TRPM1: variants seen among roughly 807,000 people sequenced by gnomAD.
The protein encoded by TRPM1 is transient receptor potential cation channel subfamily M member 1, also known as TRPM1-203 APA Isoform, Intron 10.
A neutral mutation model predicts 149.4 loss-of-function variants in TRPM1; 113 were observed. The observed-to-expected ratio is 0.76, with a 90% CI of 0.65 to 0.88. TRPM1 has a LOEUF of 0.88. Ranked by LOEUF, TRPM1 falls within the 40% of genes least tolerant of loss-of-function variation. The pLI is 0.00. For missense variants in TRPM1, 1,976 were observed against 2,038.7 expected (o/e 0.97, Z 0.59); for synonymous variants, 741 against 759.5 (o/e 0.98, Z 0.40).
At chr15:31,074,430 T>C (rs1399644381) in intron 3 of TRPM1, among the ~76,000 whole-genome samples, 1 of 152,150 alleles carries the variant, frequency 6.6e-6, no homozygotes, top group Non-Finnish European at 1.5e-5. Context: ...TGGCAGATTG[T>C]ATATTTCTCA....
At chr15:31,033,101 A>G (rs2033171189) in intron 21 of TRPM1, 161 bp from the exon 22 acceptor site, 1 of 963,226 alleles carries the variant, frequency 1.0e-6, no homozygotes, top group Non-Finnish European at 1.6e-6. Context: ...AGAGATATCT[A>G]GAAAGGGAAA....
At chr15:31,158,583 C>T (rs1387397297) in intron 1 of TRPM1, among the ~76,000 whole-genome samples, 2 of 145,358 alleles carry the variant, frequency 1.4e-5, no homozygotes, top group Non-Finnish European at 3.0e-5. Flanking sequence ...ACTGAGATCG[C>T]GCCACTGCAC....
chr15:31,049,747 A>G (rs2033894173), intron 12 of TRPM1, among the ~76,000 whole-genome samples: 1 of 152,194 alleles, frequency 6.6e-6, no homozygotes, highest in Admixed American at 6.5e-5. Context: ...TTAAAAATAG[A>G]TTGAAGAGGA....
chr15:31,032,820 G>A lies in TRPM1; in HGVS notation c.2821C>T (p.Gln941Ter). The change falls in exon 22 of 28, where the codon CAG (glutamine) becomes TAG (stop). Residue 941 changes from glutamine (Q) to a stop codon, truncating the protein, a stop_gained. Transcript: ENST00000256552. LOFTEE classifies it high-confidence loss of function. ...CCATAGCCCATGTAGGGCTGGTTCT[G>A]TAGGCGAAGAATTGCTCCAATCATG... Reference protein sequence around the residue: ...TFMIGAILRLQNQPYMGYGRV... With the variant: ...TFMIGAILRL 1 of 1,614,216 alleles carries A rather than the reference G, an allele frequency of 6.2e-7. No individual in the cohort carries two copies. The highest frequency in any genetic ancestry group is 8.5e-7 in the Non-Finnish European group (1 of 1,180,048).
At chr15:31,149,600 A>G (rs546455505) in intron 1 of TRPM1, among the ~76,000 whole-genome samples, 1 of 150,742 alleles carries the variant, frequency 6.6e-6, no homozygotes, top group African/African-American at 2.4e-5. Context: ...GCTCACTGCA[A>G]GCTCCGCCTC....
chr15:31,044,788 A>AAC (rs1300745009), intron 16 of TRPM1, among the ~76,000 whole-genome samples: 1 of 151,704 alleles, frequency 6.6e-6, no homozygotes, highest in African/African-American at 2.4e-5. Context: ...CTCAAAAAAA[A>AAC]AAAAAAAAAA....
chr15:31,048,291 GT>G (rs2033840889), intron 13 of TRPM1, among the ~76,000 whole-genome samples: 4 of 151,950 alleles, frequency 2.6e-5, no homozygotes, highest in Admixed American at 2.0e-4. Context: ...AAATAAATAA[GT>G]TTTTTTCTTG....
chr15:31,094,924 C>T (rs1235557058), intron 1 of TRPM1, among the ~76,000 whole-genome samples: 1 of 152,214 alleles, frequency 6.6e-6, no homozygotes, highest in Admixed American at 6.5e-5. Context: ...TGTAGCATTG[C>T]AGCACTATTC....
At chr15:31,066,961 G>T in intron 6 of TRPM1, 102 bp downstream of exon 6, 1 of 1,486,356 alleles carries the variant, frequency 6.7e-7, no homozygotes, top group Non-Finnish European at 9.3e-7. Flanking sequence ...GGCTGCAAGG[G>T]AGCTCTCTTA....
chr15:31,102,750 C>T (rs2035540890), upstream of TRPM1, among the ~76,000 whole-genome samples: 1 of 152,212 alleles, frequency 6.6e-6, no homozygotes, highest in African/African-American at 2.4e-5. Flanking sequence ...TCTGTCTTTG[C>T]TTTCATTCGT....
intron 11 of TRPM1, among the ~76,000 whole-genome samples, chr15:31,055,091 C>G (rs1471823446): frequency 1.3e-5 from 2 of 152,108 alleles, no homozygotes; most frequent in Non-Finnish European, 2.9e-5. Flanking sequence ...TTATGTCCTC[C>G]CTACCACAAG....
At chr15:31,041,402 G>A (rs1237773823) in intron 17 of TRPM1, among the ~76,000 whole-genome samples, 2 of 152,026 alleles carry the variant, frequency 1.3e-5, no homozygotes, top group Non-Finnish European at 2.9e-5. Flanking sequence ...CGCCCACCTC[G>A]GCCTCCCAAA....
At chr15:31,130,174 C>T (rs920129112) in intron 1 of TRPM1, among the ~76,000 whole-genome samples, 1 of 152,228 alleles carries the variant, frequency 6.6e-6, no homozygotes, top group Non-Finnish European at 1.5e-5. Flanking sequence ...TTGGGACCTC[C>T]AGGACCTGCC....
rs925275549 is a variant in TRPM1 at position 31,003,046 on chromosome 15, C to T, written c.3654G>A (p.Leu1218=). The change falls in exon 28 of 28, where the codon TTG becomes TTA. Residue 1218 remains leucine, a synonymous_variant. Transcript: ENST00000256552. ...SERVENMSMR[L]EEINERETFM... is the part of the protein sequence containing the mutation. ...AAGTTTCTCTTTCATTGATTTCTTC[C>T]AACCTCATTGACATATTTTCAACTC... The T allele has an allele frequency of 2.5e-6, 4 of 1,604,708 alleles. No homozygotes were observed. The African/African-American group carries it at 5.4e-5, about 22-fold the overall frequency.
At chr15:31,047,366 G>A in intron 14 of TRPM1, 115 bp from the exon 15 acceptor site, 1 of 1,098,106 alleles carries the variant, frequency 9.1e-7, no homozygotes, top group South Asian at 1.3e-5. Flanking sequence ...TCATGTAACA[G>A]GTGGGTGGGT....
At chr15:31,046,643 T>A (rs2033772979) in intron 15 of TRPM1, among the ~76,000 whole-genome samples, 1 of 151,962 alleles carries the variant, frequency 6.6e-6, no homozygotes, top group Non-Finnish European at 1.5e-5. Flanking sequence ...GATCACAGGA[T>A]TTGATTTTGG....
chr15:31,092,743 G>A (rs528795589), intron 1 of TRPM1, among the ~76,000 whole-genome samples: 100 of 152,246 alleles, frequency 6.6e-4, no homozygotes, highest in African/African-American at 2.2e-3. Context: ...ATGCCCAGCC[G>A]CGGTAGCATG....
chr15:31,027,931 A>G (rs893126962), intron 25 of TRPM1, among the ~76,000 whole-genome samples: 1 of 137,908 alleles, frequency 7.3e-6, no homozygotes, highest in Non-Finnish European at 1.6e-5. Flanking sequence ...AAATGATCAG[A>G]AAAAAATGCT....
chr15:31,144,738 A>C (rs1432461227), intron 1 of TRPM1, among the ~76,000 whole-genome samples: 3 of 133,414 alleles, frequency 2.2e-5, no homozygotes, highest in Admixed American at 7.9e-5. Context: ...TTTTTGAGAC[A>C]TAGTTTCGCT....
Sources: allele counts gnomAD v4.1 joint callset (sites outside exome capture counted in the v4.1 genomes callset), GRCh38; gene constraint gnomAD v4.1.1; transcripts MANE v1.5; gene names NCBI Gene and HGNC (gene_info 2026-07-23, HGNC 2026-07-21).